The following RNASE4 variants were observed in gnomAD, a reference collection of about 807,000 sequenced individuals.
RNASE4 encodes the protein ribonuclease 4.
For missense variants in RNASE4, 194 were observed against 192.8 expected, an observed-to-expected ratio of 1.01 and a Z score of -0.04; for synonymous variants, 93 against 71.4, an observed-to-expected ratio of 1.30 and a Z score of -1.52.
At chr14:20,695,044 C>T (rs1052524938) in intron 1 of RNASE4, among the ~76,000 whole-genome samples, 3 of 152,154 alleles carry the variant, frequency 2.0e-5, no homozygotes, top group Non-Finnish European at 4.4e-5. Context: ...TACATTATTT[C>T]CTCTGTAATC....
At chr14:20,688,405 T>C (rs1018757636) in intron 1 of RNASE4, among the ~76,000 whole-genome samples, 3 of 152,216 alleles carry the variant, frequency 2.0e-5, no homozygotes, top group African/African-American at 7.2e-5. Context: ...TGGAAGACCA[T>C]ATCTTACTCT....
chr14:20,697,901 AATTCCAGGAGTGACGGCCAG>A (rs1399689026), intron 1 of RNASE4, among the ~76,000 whole-genome samples: 1 of 152,122 alleles, frequency 6.6e-6, no homozygotes, highest in Admixed American at 6.5e-5. Flanking sequence ...AATTCACATC[AATTCCAGGAGTGACGGCCAG>A]ATGGCAGCAT....
chr14:20,688,484 A>G (rs1886531701), intron 1 of RNASE4, among the ~76,000 whole-genome samples: 1 of 152,208 alleles, frequency 6.6e-6, no homozygotes, highest in African/African-American at 2.4e-5. Flanking sequence ...ATGGATCCAG[A>G]CTATTATGTG....
intron 1 of RNASE4, among the ~76,000 whole-genome samples, chr14:20,687,175 A>T (rs1004293432): frequency 6.6e-6 from 1 of 152,254 alleles, no homozygotes; most frequent in African/African-American, 2.4e-5. Flanking sequence ...AACACAAATG[A>T]CTAAGTGCTT....
chr14:20,696,677 C>T (rs1413747932), intron 1 of RNASE4, among the ~76,000 whole-genome samples: 1 of 150,780 alleles, frequency 6.6e-6, no homozygotes, highest in Non-Finnish European at 1.5e-5. Flanking sequence ...TGTAGTCATT[C>T]ATTATTTTAT....
At chr14:20,698,453 C>T (rs773790134) in intron 1 of RNASE4, among the ~76,000 whole-genome samples, 4 of 152,156 alleles carry the variant, frequency 2.6e-5, no homozygotes, top group Non-Finnish European at 5.9e-5. Context: ...CATTTCTTAG[C>T]TTTTCTTATT....
intron 1 of RNASE4, among the ~76,000 whole-genome samples, chr14:20,696,142 G>T (rs988679039): frequency 6.6e-6 from 1 of 152,166 alleles, no homozygotes; most frequent in Non-Finnish European, 1.5e-5. Flanking sequence ...TTATTATATT[G>T]ATCACAGCAT....
intron 1 of RNASE4, among the ~76,000 whole-genome samples, chr14:20,694,843 G>T (rs1317850018): frequency 6.6e-6 from 1 of 152,014 alleles, no homozygotes; most frequent in Non-Finnish European, 1.5e-5. Flanking sequence ...CATACCAACA[G>T]ATTATTATAG....
intron 1 of RNASE4, among the ~76,000 whole-genome samples, chr14:20,690,479 G>C (rs901903374): frequency 1.3e-5 from 2 of 152,130 alleles, no homozygotes; most frequent in African/African-American, 2.4e-5. Flanking sequence ...GGAATTTAGA[G>C]TTGAATATAT....
intron 1 of RNASE4, among the ~76,000 whole-genome samples, chr14:20,689,911 G>C (rs1172350673): frequency 1.7e-5 from 2 of 115,968 alleles, no homozygotes; most frequent in Non-Finnish European, 1.7e-5. Context: ...ACAAGACTCT[G>C]TCTCAAAAAA....
intron 1 of RNASE4, among the ~76,000 whole-genome samples, chr14:20,695,524 C>G (rs2139030855): frequency 6.6e-6 from 1 of 152,272 alleles, no homozygotes; most frequent in South Asian, 2.1e-4. Flanking sequence ...ACTGTTCAAT[C>G]TACAGACTCA....
At chr14:20,688,890 A>G (rs1236289157) in intron 1 of RNASE4, 1 of 980,106 alleles carries the variant, frequency 1.0e-6, no homozygotes, top group Non-Finnish European at 1.2e-6. Context: ...CTATTGTTCA[A>G]TTTGTTTTAT....
At chr14:20,690,256 AAAG>A (rs1339828102) in intron 1 of RNASE4, among the ~76,000 whole-genome samples, 1 of 151,258 alleles carries the variant, frequency 6.6e-6, no homozygotes, top group Non-Finnish European at 1.5e-5. Context: ...AAAGAAAAGA[AAAG>A]AAAAAAAGGA....
At chr14:20,696,244 T>C (rs752185294) in intron 1 of RNASE4, among the ~76,000 whole-genome samples, 3 of 152,206 alleles carry the variant, frequency 2.0e-5, no homozygotes, top group Admixed American at 6.5e-5. Context: ...CGCTGTTTCA[T>C]AGGAAATCAC....
intron 1 of RNASE4, chr14:20,688,803 AG>A (rs1886548442): frequency 1.0e-6 from 1 of 985,312 alleles, no homozygotes; most frequent in Admixed American, 6.1e-5. Context: ...ACCCATCTCC[AG>A]GAACAAACAG....
intron 1 of RNASE4, among the ~76,000 whole-genome samples, chr14:20,690,591 G>A (rs1886694609): frequency 6.6e-6 from 1 of 152,142 alleles, no homozygotes; most frequent in African/African-American, 2.4e-5. Context: ...CAAGATTACA[G>A]GCCCCCAACT....
chr14:20,693,787 C>T (rs764224898), intron 1 of RNASE4: 8 of 1,614,048 alleles, frequency 5.0e-6, no homozygotes, highest in East Asian at 2.2e-5. Context: ...TGGCAACAAG[C>T]GCAGCATCAA....
chr14:20,697,208 C>T (rs958171556), intron 1 of RNASE4, among the ~76,000 whole-genome samples: 27 of 152,326 alleles, frequency 1.8e-4, no homozygotes, highest in Middle Eastern at 3.4e-3. Context: ...AGTCATCTTG[C>T]TAAACCATAT....
rs1440927797 is a variant in RNASE4, at chr14:20,693,701, A to G, written c.-17-5654A>G. 7 of 1,614,184 alleles carry G rather than the reference A, an allele frequency of 4.3e-6. No homozygotes were observed. The highest frequency in any genetic ancestry group is 5.9e-6 in the Non-Finnish European group (7 of 1,180,026). On this transcript the variant is annotated intron_variant, in intron 1 of 1. Coordinates refer to ENST00000555835, the MANE Select transcript of RNASE4 (RefSeq NM_002937.5). ...TATGATGCCAAACCACAGGGCCGGG[A>G]TGACAGATACTGTGAAAGCATCATG...
Sources: gnomAD v4.1 joint callset for allele counts (sites outside exome capture counted in the v4.1 genomes callset) on GRCh38, gnomAD v4.1.1 for gene constraint, MANE v1.5 for transcripts, NCBI Gene and HGNC (gene_info 2026-07-23, HGNC 2026-07-21) for gene names.